The following EYS variants were observed in gnomAD, a reference collection of about 807,000 sequenced individuals.
EYS encodes protein eyes shut homolog.
EYS carries 250 observed loss-of-function variants against 282.1 expected under a neutral mutation model. The observed-to-expected ratio is 0.89, with a 90% CI of 0.80 to 0.98. The LOEUF is 0.98. Among genes scored for constraint, EYS ranks in the 50% least tolerant of loss-of-function variants. The pLI is 0.00. For synonymous variants in EYS, 1,355 were observed against 1,282.9 expected (o/e 1.06, Z -1.20); for missense variants, 4,016 against 3,709.0 (o/e 1.08, Z -2.15).
intron 33 of EYS, among the ~76,000 whole-genome samples, chr6:64,063,578 G>T (rs1771256433): frequency 6.6e-6 from 1 of 152,082 alleles, no homozygotes; most frequent in African/African-American, 2.4e-5. Context: ...TAACATAGCT[G>T]CAAGGCCAGA....
chr6:65,315,926 T>C (rs1283647974), intron 11 of EYS, among the ~76,000 whole-genome samples: 1 of 151,062 alleles, frequency 6.6e-6, no homozygotes, highest in Admixed American at 6.6e-5. Flanking sequence ...GTTAGGATTA[T>C]CTCTCTTCTT....
chr6:63,814,000 G>T (rs771307931), intron 36 of EYS, among the ~76,000 whole-genome samples: 1 of 152,166 alleles, frequency 6.6e-6, no homozygotes, highest in Non-Finnish European at 1.5e-5. Flanking sequence ...TCCTAGCTTT[G>T]AGTATACACG....
intron 33 of EYS, among the ~76,000 whole-genome samples, chr6:64,041,426 T>C (rs151072227): frequency 6.6e-6 from 1 of 152,306 alleles, no homozygotes; most frequent in African/African-American, 2.4e-5. Flanking sequence ...CCTTCAGTAT[T>C]GCTCGTTGAA....
rs116309466 is a variant in EYS at position 64,691,696 on chromosome 6, A to T, written c.3444-65451T>A. Reference sequence around the variant, plus strand: ...CCTACAGTGTTTATTATTCTCATATATATGTCAATGTGTGTTCAATGTTTA... The same window carrying T: ...CCTACAGTGTTTATTATTCTCATATTTATGTCAATGTGTGTTCAATGTTTA... On this transcript the variant is annotated intron_variant, in intron 22 of 42. Transcript: ENST00000503581. Among the ~76,000 whole-genome samples, 1,054 of 152,042 alleles carry T rather than the reference A, an allele frequency of 6.9e-3. 4 individuals are homozygous for T. Among genetic ancestry groups the T allele is most frequent in the Non-Finnish European group, 9.2e-3 (628 of 67,934 alleles).
chr6:63,942,720 A>G (rs1055353594), intron 35 of EYS, among the ~76,000 whole-genome samples: 3 of 152,218 alleles, frequency 2.0e-5, no homozygotes, highest in Non-Finnish European at 4.4e-5. Flanking sequence ...GAGAAATAAA[A>G]AAAACATCAG....
At chr6:63,944,486 T>C (rs1238047952) in intron 35 of EYS, among the ~76,000 whole-genome samples, 3 of 152,238 alleles carry the variant, frequency 2.0e-5, no homozygotes, top group Non-Finnish European at 4.4e-5. Flanking sequence ...TGTATTTTCA[T>C]GTACAACATG....
At chr6:63,984,140 G>A (rs188623066) in intron 35 of EYS, among the ~76,000 whole-genome samples, 2 of 151,792 alleles carry the variant, frequency 1.3e-5, no homozygotes, top group Admixed American at 1.3e-4. Context: ...GCCAAAACCA[G>A]GTCTAGTTAC....
At chr6:64,079,725 C>T (rs1372831366) in intron 32 of EYS, among the ~76,000 whole-genome samples, 2 of 152,112 alleles carry the variant, frequency 1.3e-5, no homozygotes, top group Non-Finnish European at 2.9e-5. Context: ...CTCCCCGCTC[C>T]CCTGATACCA....
At chr6:63,991,945 T>C (rs1230291067) in intron 34 of EYS, among the ~76,000 whole-genome samples, 1 of 151,724 alleles carries the variant, frequency 6.6e-6, no homozygotes, top group African/African-American at 2.4e-5. Context: ...ATATTTAAAG[T>C]GCTAAACATT....
chr6:64,535,019 G>T (rs1305216795), intron 26 of EYS, among the ~76,000 whole-genome samples: 2 of 151,998 alleles, frequency 1.3e-5, no homozygotes, highest in African/African-American at 2.4e-5. Flanking sequence ...CTTTGGTCTT[G>T]CCTGTCCTTG....
chr6:64,424,371 T>C (rs9345069), intron 28 of EYS, among the ~76,000 whole-genome samples: 42,171 of 152,126 alleles, frequency 0.28, 5,978 homozygotes, highest in East Asian at 0.46. Flanking sequence ...ATATTTTATT[T>C]AATACCTATG....
At chr6:63,907,037 A>G (rs1773795384) in intron 35 of EYS, among the ~76,000 whole-genome samples, 1 of 152,136 alleles carries the variant, frequency 6.6e-6, no homozygotes, top group South Asian at 2.1e-4. Flanking sequence ...CCAAGATTGC[A>G]TAGTGTGTAC....
At chr6:65,004,698 A>G (rs999990863) in intron 13 of EYS, among the ~76,000 whole-genome samples, 2 of 147,734 alleles carry the variant, frequency 1.4e-5, no homozygotes, top group Admixed American at 1.3e-4. Flanking sequence ...GAATGAACCA[A>G]TTCTTACAAC....
intron 36 of EYS, among the ~76,000 whole-genome samples, chr6:63,851,932 C>A (rs1390807866): frequency 6.6e-6 from 1 of 151,992 alleles, no homozygotes; most frequent in Non-Finnish European, 1.5e-5. Flanking sequence ...CCGAGGCGGG[C>A]AGATCACGAG....
At chr6:65,633,833 AT>A (rs1268249785) in intron 2 of EYS, among the ~76,000 whole-genome samples, 1 of 152,182 alleles carries the variant, frequency 6.6e-6, no homozygotes, top group East Asian at 1.9e-4. Context: ...ACAGTCATTC[AT>A]TTACATATTG....
intron 15 of EYS, 134 bp from the exon 16 acceptor site, chr6:64,912,877 G>C (rs1256017449): frequency 4.2e-6 from 2 of 474,782 alleles, no homozygotes; most frequent in African/African-American, 4.0e-5. Flanking sequence ...ATAATACATA[G>C]TTTTAAAATA....
intron 30 of EYS, among the ~76,000 whole-genome samples, chr6:64,291,376 C>A (rs1233643353): frequency 2.6e-5 from 4 of 151,946 alleles, no homozygotes; most frequent in Non-Finnish European, 5.9e-5. Flanking sequence ...CAAATTATAT[C>A]ATATAGGATT....
intron 26 of EYS, among the ~76,000 whole-genome samples, chr6:64,446,744 T>A (rs1014028693): frequency 6.6e-6 from 1 of 152,112 alleles, no homozygotes; most frequent in Admixed American, 6.6e-5. Context: ...TCTGTAGTGA[T>A]CAGGTAGCTT....
At chr6:64,941,349 C>T (rs1053297774) in intron 15 of EYS, among the ~76,000 whole-genome samples, 1 of 151,946 alleles carries the variant, frequency 6.6e-6, no homozygotes, top group African/African-American at 2.4e-5. Flanking sequence ...CACTGCACTC[C>T]AGCCTGGAAA....
Sources: gnomAD v4.1 joint callset for allele counts (sites outside exome capture counted in the v4.1 genomes callset) on GRCh38, gnomAD v4.1.1 for gene constraint, MANE v1.5 for transcripts, NCBI Gene and HGNC (gene_info 2026-07-23, HGNC 2026-07-21) for gene names.